GSK3B: variants seen among roughly 807,000 people sequenced by gnomAD.
GSK3B encodes the protein glycogen synthase kinase 3 beta.
In GSK3B, 15 loss-of-function variants were observed where a neutral mutation model predicts 56.4. The ratio of observed to expected loss-of-function variants is 0.27; its 90% CI spans 0.18 to 0.41. The LOEUF (loss-of-function observed/expected upper bound fraction) is 0.41, where lower values mean the gene tolerates loss of function less well. GSK3B is among the 10% of genes least tolerant of loss of function. The pLI, the probability that GSK3B is intolerant of heterozygous loss-of-function variation, is 1.00. For missense variants in GSK3B, 300 were observed against 513.4 expected, an observed-to-expected ratio of 0.58 and a Z score of 4.02; for synonymous variants, 181 against 188.9, an observed-to-expected ratio of 0.96 and a Z score of 0.34.
At chr3:119,928,776 T>C (rs2056914571) in intron 3 of GSK3B, among the ~76,000 whole-genome samples, 1 of 152,106 alleles carries the variant, frequency 6.6e-6, no homozygotes. Context: ...CCAATTCTGT[T>C]ACTAGGAGTT....
chr3:120,091,769 G>A (rs1272567151), intron 1 of GSK3B, among the ~76,000 whole-genome samples: 1 of 151,852 alleles, frequency 6.6e-6, no homozygotes, highest in Non-Finnish European at 1.5e-5. Context: ...CCTGAAAGAT[G>A]CATAATCAGC....
chr3:120,016,227 T>C (rs2057825615), intron 1 of GSK3B, among the ~76,000 whole-genome samples: 1 of 152,106 alleles, frequency 6.6e-6, no homozygotes, highest in African/African-American at 2.4e-5. Context: ...CTAGAATATA[T>C]CCCCCAAAAG....
chr3:120,065,708 A>C (rs2107557739), intron 1 of GSK3B, among the ~76,000 whole-genome samples: 1 of 152,328 alleles, frequency 6.6e-6, no homozygotes, highest in African/African-American at 2.4e-5. Flanking sequence ...TAAAAAATGA[A>C]AATGTCCATC....
chr3:120,014,067 G>C (rs1191938328), intron 1 of GSK3B, among the ~76,000 whole-genome samples: 1 of 150,386 alleles, frequency 6.6e-6, no homozygotes. Context: ...CCCGGGAGGC[G>C]GAGGTTGCAG....
chr3:120,053,601 T>C (rs896950419), intron 1 of GSK3B, among the ~76,000 whole-genome samples: 2 of 152,194 alleles, frequency 1.3e-5, no homozygotes, highest in Non-Finnish European at 2.9e-5. Context: ...ATTAAAAAGC[T>C]ACTATATAAT....
chr3:119,880,045 C>G (rs148381189), intron 7 of GSK3B, among the ~76,000 whole-genome samples: 1 of 152,148 alleles, frequency 6.6e-6, no homozygotes, highest in Non-Finnish European at 1.5e-5. Context: ...AGCCTCCAAA[C>G]TGTTCTCCAT....
intron 1 of GSK3B, among the ~76,000 whole-genome samples, chr3:120,058,383 G>A (rs988431360): frequency 2.6e-5 from 4 of 151,542 alleles, no homozygotes; most frequent in Admixed American, 6.6e-5. Flanking sequence ...TATTTTATTC[G>A]TACAGCCAGT....
intron 7 of GSK3B, among the ~76,000 whole-genome samples, chr3:119,880,616 C>A (rs893091689): frequency 6.6e-6 from 1 of 152,106 alleles, no homozygotes; most frequent in African/African-American, 2.4e-5. Context: ...AAAAAGGAAT[C>A]TAGTTAAAAA....
chr3:119,939,444 C>T (rs146583015), intron 3 of GSK3B, among the ~76,000 whole-genome samples: 3 of 152,264 alleles, frequency 2.0e-5, no homozygotes, highest in African/African-American at 7.2e-5. Flanking sequence ...ATGGTCACAA[C>T]TCCCATCTCC....
rs556767593 is a variant in GSK3B, at chr3:119,981,394, G to A, written c.282+20652C>T. Among the ~76,000 whole-genome samples, 121 of 152,328 alleles carry A rather than the reference G, an allele frequency of 7.9e-4. 1 individual carries two copies. The highest frequency in any genetic ancestry group is 4.3e-3 in the South Asian group (21 of 4,828). On this transcript the variant is annotated intron_variant, in intron 2 of 10. Coordinates refer to ENST00000264235, the MANE Select transcript of GSK3B (RefSeq NM_001146156.2). ...AGGGCAAGCTGAAGCAGGGTGGGGCGTTGCATCACCCACAAAGCGCAAGGA... is the reference window on the plus strand; with the variant it reads ...AGGGCAAGCTGAAGCAGGGTGGGGCATTGCATCACCCACAAAGCGCAAGGA...
At chr3:119,876,562 C>T (rs1336382692) in intron 7 of GSK3B, 54 bp from the exon 8 acceptor site, 5 of 1,000,068 alleles carry the variant, frequency 5.0e-6, no homozygotes, top group South Asian at 4.0e-5. Context: ...CAAATTTAGT[C>T]TCCATGTTTT....
chr3:119,997,373 T>C (rs1255733334), intron 2 of GSK3B, among the ~76,000 whole-genome samples: 3 of 152,130 alleles, frequency 2.0e-5, no homozygotes, highest in Admixed American at 1.3e-4. Context: ...TGTATTTACA[T>C]GGAGGAAGAC....
chr3:120,034,866 A>G (rs2058008447), intron 1 of GSK3B, among the ~76,000 whole-genome samples: 1 of 152,184 alleles, frequency 6.6e-6, no homozygotes, highest in African/African-American at 2.4e-5. Flanking sequence ...GGGGAGGCCA[A>G]GTAGGGCAGA....
Position 119,823,068 on chromosome 3 carries a change from T to C in GSK3B, c.*3720A>G. The C allele has an allele frequency of 4.4e-6, 1 of 229,526 alleles. No homozygotes were observed. The highest frequency in any genetic ancestry group is 8.6e-6 in the Non-Finnish European group (1 of 115,690). 14.2% of individuals were successfully genotyped at this position (229,526 alleles called of 1,614,324 possible). A position where few individuals can be genotyped will look rare whatever the true frequency, so the allele number is the denominator to read the frequency against. ...AGGACTTAAAAAAAATGACACAGCA[T>C]GTCACTGGAAAGAAGGTGCAGTCTT... On this transcript the variant is annotated 3_prime_UTR_variant, in exon 11 of 11. Coordinates refer to ENST00000264235, the MANE Select transcript of GSK3B (RefSeq NM_001146156.2).
At chr3:120,051,416 C>T (rs116598597) in intron 1 of GSK3B, among the ~76,000 whole-genome samples, 2,731 of 152,144 alleles carry the variant, frequency 0.018, 43 homozygotes, top group Non-Finnish European at 0.027. Context: ...ACTCAGTAGA[C>T]TGGATTTACT....
intron 1 of GSK3B, among the ~76,000 whole-genome samples, chr3:120,017,546 C>T (rs540298397): frequency 3.7e-4 from 56 of 152,300 alleles, no homozygotes; most frequent in African/African-American, 1.3e-3. Context: ...TTAATCCAAA[C>T]TGCTTTTTCC....
At chr3:119,929,496 A>AG (rs2056921911) in intron 3 of GSK3B, among the ~76,000 whole-genome samples, 1 of 152,188 alleles carries the variant, frequency 6.6e-6, no homozygotes, top group African/African-American at 2.4e-5. Flanking sequence ...AACCAGGCGC[A>AG]GTGGCTCATG....
At chr3:119,927,246 T>C (rs2056897347) in intron 3 of GSK3B, among the ~76,000 whole-genome samples, 1 of 152,152 alleles carries the variant, frequency 6.6e-6, no homozygotes, top group South Asian at 2.1e-4. Context: ...CAATAAAGCT[T>C]GAAGAAAAAA....
At chr3:120,025,278 A>T (rs540648270) in intron 1 of GSK3B, among the ~76,000 whole-genome samples, 2 of 152,288 alleles carry the variant, frequency 1.3e-5, no homozygotes, top group East Asian at 3.9e-4. Context: ...CAGGAGGCGG[A>T]AGTTGCAATG....
Sources: allele counts gnomAD v4.1 joint callset (sites outside exome capture counted in the v4.1 genomes callset), GRCh38; gene constraint gnomAD v4.1.1; transcripts MANE v1.5; gene names NCBI Gene and HGNC (gene_info 2026-07-23, HGNC 2026-07-21).